Variants in KCNN3 observed in about 807,000 individuals in gnomAD.
KCNN3 encodes the protein small conductance calcium-activated potassium channel protein 3.
KCNN3 carries 16 observed loss-of-function variants against 62.9 expected under a neutral mutation model. That is an observed-to-expected ratio of 0.25 (90% CI 0.17 to 0.39). The LOEUF (loss-of-function observed/expected upper bound fraction) is 0.39. KCNN3 is among the 10% of genes least tolerant of loss of function. The pLI is 1.00. For synonymous variants in KCNN3, 370 were observed against 389.2 expected (o/e 0.95, Z 0.58); for missense variants, 599 against 949.4 (o/e 0.63, Z 4.85).
At chr1:154,818,241 A>G (rs1375875622) in intron 2 of KCNN3, among the ~76,000 whole-genome samples, 1 of 152,118 alleles carries the variant, frequency 6.6e-6, no homozygotes, top group Non-Finnish European at 1.5e-5. Flanking sequence ...TCTTCCAACA[A>G]TGGAGGCTAC....
chr1:154,713,294 T>C (rs1246093616), intron 7 of KCNN3, among the ~76,000 whole-genome samples, 170 bp downstream of exon 7: 1 of 152,198 alleles, frequency 6.6e-6, no homozygotes, highest in Non-Finnish European at 1.5e-5. Flanking sequence ...TACCGGTAGA[T>C]TGCAAATGAA....
chr1:154,853,166 T>C (rs1652373270), intron 1 of KCNN3, among the ~76,000 whole-genome samples: 1 of 151,886 alleles, frequency 6.6e-6, no homozygotes, highest in Admixed American at 6.6e-5. Flanking sequence ...TTTTTTTTTT[T>C]CTGTAAAGAT....
intron 5 of KCNN3, among the ~76,000 whole-genome samples, chr1:154,723,554 C>G (rs1489424640): frequency 6.6e-6 from 1 of 152,146 alleles, no homozygotes; most frequent in Non-Finnish European, 1.5e-5. Context: ...TGTTTATTTT[C>G]CTGGCATACA....
In KCNN3 at chr1:154,743,174, C is replaced by T. The variant is rs375799589; in HGVS notation, c.1449-10030G>A. Among the ~76,000 whole-genome samples the T allele has an allele frequency of 8.5e-5, 13 of 152,146 alleles. No homozygotes were observed. The East Asian group carries it at 2.3e-3, about 27-fold the overall frequency. On this transcript the variant is annotated intron_variant, in intron 3 of 7. Transcript: ENST00000271915. ...ACCAGCCCCATCCTCTCACCTGGAC[C>T]AGCCCCACTCTCTTACCTGCTCCAG...
intron 1 of KCNN3, among the ~76,000 whole-genome samples, chr1:154,834,398 G>GTAGA (rs1448613517): frequency 2.0e-5 from 3 of 152,358 alleles, no homozygotes; most frequent in Non-Finnish European, 4.4e-5. Context: ...GGGGCATGCA[G>GTAGA]TAGAGTCTCC....
intron 2 of KCNN3, among the ~76,000 whole-genome samples, chr1:154,786,284 C>G (rs113506996): frequency 0.029 from 4,355 of 152,254 alleles, 197 homozygotes; most frequent in African/African-American, 0.099. Flanking sequence ...TTTTATAATC[C>G]TCCTAAGGCA....
rs143130189 is a variant in KCNN3, at chr1:154,869,631, G to C, written c.334C>G (p.Pro112Ala). 26 of 1,613,720 alleles carry C rather than the reference G, an allele frequency of 1.6e-5. No individual in the cohort carries two copies. Among genetic ancestry groups the C allele is most frequent in the African/African-American group, 9.3e-5 (7 of 74,974 alleles). ...AGGATGGCGGTGGAGTTGGACGAAG[G>C]GGGGGCCCTGAAAGCGGTGGGAGAG... is the stretch of plus-strand genomic sequence containing the variant. Reference protein sequence around the residue: ...HSSPTAFRAPPSSNSTAILHP... With the variant: ...HSSPTAFRAPASSNSTAILHP... Residue 112 changes from proline (P) to alanine (A), a missense_variant, in exon 1 of 8, where the codon CCT (proline) becomes GCT (alanine). By Grantham distance (27) the Pro-to-Ala change is conservative. Coordinates refer to ENST00000271915, the MANE Select transcript of KCNN3 (RefSeq NM_002249.6). This position sits in a 1 kb window ranked among gnomAD's most constrained non-coding sequence, Gnocchi z 6.1.
intron 1 of KCNN3, 79 bp downstream of exon 1, chr1:154,868,939 TCTCTCTCTCTCACA>T (rs57846577): frequency 0.45 from 522,298 of 1,154,704 alleles, 128,314 homozygotes; most frequent in East Asian, 0.89. Flanking sequence ...TCTCTCTCAA[TCTCTCTCTCTCACA>T]ATCCCCCTCT....
intron 3 of KCNN3, among the ~76,000 whole-genome samples, chr1:154,766,133 C>A (rs989239390): frequency 6.6e-6 from 1 of 151,888 alleles, no homozygotes; most frequent in African/African-American, 2.4e-5. Flanking sequence ...AGAAGGGGAT[C>A]GCTACAGGCT....
chr1:154,808,476 G>A (rs1478544295), intron 2 of KCNN3, among the ~76,000 whole-genome samples: 1 of 152,080 alleles, frequency 6.6e-6, no homozygotes, highest in Admixed American at 6.5e-5. Flanking sequence ...ACTGTGCGCC[G>A]TGCCCTCCAC....
At chr1:154,773,821 G>A (rs531750045) in intron 2 of KCNN3, among the ~76,000 whole-genome samples, 2 of 152,364 alleles carry the variant, frequency 1.3e-5, no homozygotes, top group Admixed American at 6.5e-5. Flanking sequence ...CCTGTAAGGG[G>A]ATGTAAAGAT....
At chr1:154,838,838 C>G (rs1031680992) in intron 1 of KCNN3, among the ~76,000 whole-genome samples, 16 of 152,168 alleles carry the variant, frequency 1.1e-4, no homozygotes, top group Non-Finnish European at 2.1e-4. Context: ...CAGCACCTTG[C>G]ACAGTGCCTG....
chr1:154,813,573 G>A lies in KCNN3; in HGVS notation c.1029+8516C>T, dbSNP rs570523092. Among the ~76,000 whole-genome samples, 8 of 152,148 alleles carry A rather than the reference G, an allele frequency of 5.3e-5. No individual in the cohort carries two copies. In the East Asian group the frequency reaches 9.7e-4, roughly 18 times the overall value. On this transcript the variant is annotated intron_variant, in intron 2 of 7. Transcript: ENST00000271915. ...AGGGCAGATGACCCCTCCCCACCCC[G>A]TCCTGAACTCCTGGAGCTAAGGAAG...
At chr1:154,727,957 G>T (rs1700505581) in intron 4 of KCNN3, among the ~76,000 whole-genome samples, 1 of 152,248 alleles carries the variant, frequency 6.6e-6, no homozygotes, top group Admixed American at 6.5e-5. Context: ...GATGGAGAGG[G>T]TTCTCCCCAG....
At chr1:154,764,722 A>C (rs1255666009) in intron 3 of KCNN3, among the ~76,000 whole-genome samples, 2 of 152,150 alleles carry the variant, frequency 1.3e-5, no homozygotes, top group Non-Finnish European at 2.9e-5. Flanking sequence ...TTATTGCTTT[A>C]ATTTCATACA....
At chr1:154,813,180 C>G (rs556543049) in intron 2 of KCNN3, among the ~76,000 whole-genome samples, 2 of 150,730 alleles carry the variant, frequency 1.3e-5, no homozygotes, top group East Asian at 3.9e-4. Flanking sequence ...GGGGTGGGAG[C>G]CCCTTGGGCA....
At chr1:154,731,058 G>A (rs1465808659) in intron 4 of KCNN3, among the ~76,000 whole-genome samples, 1 of 152,164 alleles carries the variant, frequency 6.6e-6, no homozygotes, top group African/African-American at 2.4e-5. Context: ...AGGGGAAAAG[G>A]TCGGTATTTT....
At chr1:154,726,328 G>A (rs185534040) in intron 4 of KCNN3, among the ~76,000 whole-genome samples, 1 of 152,132 alleles carries the variant, frequency 6.6e-6, no homozygotes, top group African/African-American at 2.4e-5. Context: ...GCTTTGGGGG[G>A]TTTAACCAAC....
chr1:154,704,688 A>T lies in KCNN3; in HGVS notation c.*3288T>A, dbSNP rs1699930687. 6.6e-6 allele frequency: 1 copy of T among 152,114 alleles called. No individual in the cohort carries two copies. 9.4% of individuals were successfully genotyped at this position (152,114 alleles called of 1,614,324 possible). ...GAAAGATTATAGTAGGGGATCTGCC[A>T]TTGGGTCAGTCCTCTAGGAGTGGGC... On this transcript the variant is annotated 3_prime_UTR_variant, in exon 8 of 8. Coordinates refer to ENST00000271915, the MANE Select transcript of KCNN3 (RefSeq NM_002249.6).
Sources: allele counts gnomAD v4.1 joint callset (sites outside exome capture counted in the v4.1 genomes callset), GRCh38; gene constraint gnomAD v4.1.1; non-coding constraint Gnocchi (gnomAD v3.1); transcripts MANE v1.5; gene names NCBI Gene and HGNC (gene_info 2026-07-23, HGNC 2026-07-21).